Variants in MRPS28 observed in about 807,000 individuals in gnomAD.
MRPS28 encodes small ribosomal subunit protein bS1m.
Under a neutral mutation model 10.8 loss-of-function variants are expected in MRPS28, and 7 were observed. The observed-to-expected ratio is 0.65, with a 90% confidence interval of 0.37 to 1.22. The LOEUF is 1.22. Ranked by LOEUF, MRPS28 falls within the 50% of genes most tolerant of loss-of-function variation. The pLI, the probability that MRPS28 is intolerant of heterozygous loss-of-function variation, is 0.02. For missense variants in MRPS28, 265 were observed against 232.9 expected (o/e 1.14, Z -0.90); for synonymous variants, 121 against 93.3 (o/e 1.30, Z -1.71).
intron 2 of MRPS28, among the ~76,000 whole-genome samples, chr8:79,974,325 G>C (rs577865498): frequency 7.2e-5 from 11 of 152,172 alleles, no homozygotes; most frequent in African/African-American, 2.4e-4. Context: ...TGGATCACGA[G>C]GTCAGGAGAT....
chr8:80,016,647 G>A (rs1045965227), intron 1 of MRPS28, among the ~76,000 whole-genome samples: 1 of 151,890 alleles, frequency 6.6e-6, no homozygotes, highest in African/African-American at 2.4e-5. Context: ...AATATGTGAA[G>A]GTAAAATTAA....
intron 1 of MRPS28, among the ~76,000 whole-genome samples, chr8:80,006,393 C>T (rs1384571739): frequency 2.0e-5 from 3 of 151,774 alleles, no homozygotes; most frequent in East Asian, 1.9e-4. Flanking sequence ...GGGTACATAA[C>T]AAAATGAACG....
intron 2 of MRPS28, among the ~76,000 whole-genome samples, chr8:79,953,823 A>C (rs886290731): frequency 6.6e-6 from 1 of 152,220 alleles, no homozygotes; most frequent in Non-Finnish European, 1.5e-5. Context: ...ATATAAAGAA[A>C]TGCTACAAGT....
chr8:79,943,295 T>C (rs1806818216), intron 2 of MRPS28, among the ~76,000 whole-genome samples: 1 of 152,220 alleles, frequency 6.6e-6, no homozygotes. Flanking sequence ...TATGTGACAA[T>C]AGCTACAAGA....
chr8:79,960,890 A>G (rs553126811), intron 2 of MRPS28, among the ~76,000 whole-genome samples: 1 of 152,220 alleles, frequency 6.6e-6, no homozygotes, highest in Non-Finnish European at 1.5e-5. Flanking sequence ...ACAAAATGAA[A>G]AGATCAAACA....
intron 2 of MRPS28, among the ~76,000 whole-genome samples, chr8:79,953,765 TAG>T (rs1176615681): frequency 6.6e-6 from 1 of 152,110 alleles, no homozygotes; most frequent in African/African-American, 2.4e-5. Flanking sequence ...AGGCAAGCCA[TAG>T]AGTGGGAAAA....
intron 2 of MRPS28, among the ~76,000 whole-genome samples, chr8:80,001,387 A>T (rs1235671052): frequency 2.6e-5 from 4 of 152,236 alleles, no homozygotes; most frequent in African/African-American, 7.2e-5. Context: ...TTTGTATCAC[A>T]TATCTTCTTA....
At chr8:80,019,424 T>C (rs762393152) in intron 1 of MRPS28, among the ~76,000 whole-genome samples, 13 of 150,984 alleles carry the variant, frequency 8.6e-5, no homozygotes, top group Non-Finnish European at 1.9e-4. Context: ...TTTCGTCAAA[T>C]GGAAAAGCAT....
chr8:79,953,682 G>A (rs1366265728), intron 2 of MRPS28, among the ~76,000 whole-genome samples: 1 of 152,066 alleles, frequency 6.6e-6, no homozygotes, highest in Non-Finnish European at 1.5e-5. Context: ...AACACAAAAA[G>A]TATTATATAA....
intron 2 of MRPS28, among the ~76,000 whole-genome samples, chr8:79,996,818 C>T (rs1416023729): frequency 6.6e-6 from 1 of 152,152 alleles, no homozygotes; most frequent in Admixed American, 6.6e-5. Context: ...TTTAGGAAGT[C>T]TTTATGATGC....
chr8:79,920,024 A>ATGT (rs1179548353), intron 2 of MRPS28, among the ~76,000 whole-genome samples: 183 of 141,504 alleles, frequency 1.3e-3, no homozygotes, highest in Admixed American at 2.4e-3. Context: ...CCCACCTATA[A>ATGT]GTGAGAACAT....
At chr8:79,974,531 A>T (rs752154778) in intron 2 of MRPS28, among the ~76,000 whole-genome samples, 3 of 151,776 alleles carry the variant, frequency 2.0e-5, no homozygotes, top group Non-Finnish European at 2.9e-5. Flanking sequence ...ACAGAGCGAG[A>T]CTCTGTCTCA....
chr8:80,009,993 C>T (rs1056004541), intron 1 of MRPS28, among the ~76,000 whole-genome samples: 12 of 152,122 alleles, frequency 7.9e-5, no homozygotes, highest in Non-Finnish European at 1.6e-4. Flanking sequence ...TCTTTTTAAA[C>T]AACTTGAATT....
At chr8:80,005,824 C>T (rs993405055) in intron 1 of MRPS28, among the ~76,000 whole-genome samples, 126 of 152,082 alleles carry the variant, frequency 8.3e-4, no homozygotes, top group Non-Finnish European at 1.7e-3. Flanking sequence ...AAAAAGGCAG[C>T]GGTTGCAATC....
chr8:79,958,190 T>C, intron 2 of MRPS28: 1 of 535,968 alleles, frequency 1.9e-6, no homozygotes. Context: ...ACTCTGGGGA[T>C]GACTAATCTA....
At chr8:79,987,113 A>G (rs1299823736) in intron 2 of MRPS28, among the ~76,000 whole-genome samples, 1 of 152,182 alleles carries the variant, frequency 6.6e-6, no homozygotes, top group African/African-American at 2.4e-5. Context: ...GCCCTCAGAA[A>G]TAACGCCGCA....
chr8:80,012,933 T>C (rs533216954), intron 1 of MRPS28, among the ~76,000 whole-genome samples: 1 of 152,342 alleles, frequency 6.6e-6, no homozygotes, highest in South Asian at 2.1e-4. Flanking sequence ...AGACATCAAC[T>C]AATCCAACTA....
At chr8:80,009,293 G>T (rs1808958670) in intron 1 of MRPS28, among the ~76,000 whole-genome samples, 1 of 152,002 alleles carries the variant, frequency 6.6e-6, no homozygotes, top group Non-Finnish European at 1.5e-5. Flanking sequence ...GGGGCAGAGG[G>T]GAGGGATAGC....
At chr8:80,002,100 C>G (rs183308533) in intron 2 of MRPS28, among the ~76,000 whole-genome samples, 4 of 152,110 alleles carry the variant, frequency 2.6e-5, no homozygotes, top group African/African-American at 9.7e-5. Flanking sequence ...CAATTATCAA[C>G]GGCATCTTTA....
Sources: gnomAD v4.1 joint callset for allele counts (sites outside exome capture counted in the v4.1 genomes callset) on GRCh38, gnomAD v4.1.1 for gene constraint, MANE v1.5 for transcripts, NCBI Gene and HGNC (gene_info 2026-07-23, HGNC 2026-07-21) for gene names.